Variants in C12orf54 observed in about 807,000 individuals in gnomAD.
C12orf54 encodes the protein uncharacterized protein C12orf54.
In C12orf54, 24 loss-of-function variants were observed where a neutral mutation model predicts 26.4. That is an observed-to-expected ratio of 0.91 (90% CI 0.66 to 1.28). C12orf54 has a LOEUF of 1.28. Among genes scored for constraint, C12orf54 ranks in the 50% most tolerant of loss-of-function variants. C12orf54 has a pLI of 0.00. For synonymous variants in C12orf54, 54 were observed against 47.0 expected (o/e 1.15, Z -0.61); for missense variants, 154 against 150.9 (o/e 1.02, Z -0.11).
the C12orf54 span, among the ~76,000 whole-genome samples, chr12:48,439,108 A>G: frequency 6.6e-6 from 1 of 152,252 alleles, no homozygotes; most frequent in Non-Finnish European, 1.5e-5. Flanking sequence ...GACACTTCTC[A>G]AAAGAAGACA....
the C12orf54 span, among the ~76,000 whole-genome samples, chr12:48,413,735 A>T: frequency 6.6e-6 from 1 of 152,242 alleles, no homozygotes; most frequent in Non-Finnish European, 1.5e-5. Flanking sequence ...AATGGGGATT[A>T]TAGAGTTTGC....
the C12orf54 span, among the ~76,000 whole-genome samples, chr12:48,431,672 TGA>T: frequency 6.6e-6 from 1 of 152,206 alleles, no homozygotes; most frequent in African/African-American, 2.4e-5. Context: ...TTCGAGAAAG[TGA>T]TCATCTCTTC....
At chr12:48,432,366 T>A in the C12orf54 span, among the ~76,000 whole-genome samples, 2 of 152,272 alleles carry the variant, frequency 1.3e-5, no homozygotes, top group South Asian at 4.1e-4. Flanking sequence ...TAGCAAAATA[T>A]GTTTAGAAAA....
intron 4 of C12orf54, chr12:48,487,730 C>T: frequency 4.5e-6 from 1 of 222,290 alleles, no homozygotes; most frequent in South Asian, 1.5e-4. Flanking sequence ...TCCATATGTA[C>T]TCTTATATAC....
At chr12:48,458,334 A>G in the C12orf54 span, among the ~76,000 whole-genome samples, 2 of 152,338 alleles carry the variant, frequency 1.3e-5, no homozygotes, top group East Asian at 1.9e-4. Context: ...ACTCTGAGCT[A>G]TATGCATTGA....
the C12orf54 span, among the ~76,000 whole-genome samples, chr12:48,460,689 TA>T: frequency 6.6e-6 from 1 of 152,164 alleles, no homozygotes. Context: ...ATTGTTGTAA[TA>T]TTTTTACATT....
chr12:48,467,310 C>T, the C12orf54 span, among the ~76,000 whole-genome samples: 1 of 152,154 alleles, frequency 6.6e-6, no homozygotes, highest in Admixed American at 6.5e-5. Context: ...AAGAAACGAA[C>T]CCTGTCGACA....
At chr12:48,439,745 T>TCCGGTG in the C12orf54 span, among the ~76,000 whole-genome samples, 1 of 151,962 alleles carries the variant, frequency 6.6e-6, no homozygotes, top group East Asian at 1.9e-4. Flanking sequence ...CGGGGCCTGT[T>TCCGGTG]GTGGGGTGGT....
At chr12:48,433,686 A>T in the C12orf54 span, among the ~76,000 whole-genome samples, 284 of 152,208 alleles carry the variant, frequency 1.9e-3, 1 homozygote, top group Non-Finnish European at 3.0e-3. Context: ...TGACCTTGTG[A>T]TCTGCCCACC....
chr12:48,476,922 T>C, the C12orf54 span, among the ~76,000 whole-genome samples: 3 of 152,132 alleles, frequency 2.0e-5, no homozygotes, highest in South Asian at 2.1e-4. Context: ...GAACTCTCCA[T>C]CCCAAATCAA....
At chr12:48,433,865 T>TC in the C12orf54 span, among the ~76,000 whole-genome samples, 7 of 152,174 alleles carry the variant, frequency 4.6e-5, no homozygotes, top group African/African-American at 1.7e-4. Context: ...TTTCTGCATT[T>TC]CCATCTGAGG....
chr12:48,492,913 G>A, intron 6 of C12orf54, 34 bp from the exon 7 acceptor site: 1 of 1,601,784 alleles, frequency 6.2e-7, no homozygotes, highest in Non-Finnish European at 8.6e-7. Flanking sequence ...CCAGGCCCCT[G>A]TAACAGAATG....
rs190673767 is a variant in C12orf54 at position 48,492,999 on chromosome 12, A to G, written c.242+4A>G. On this transcript the variant is annotated splice_donor_region_variant and intron_variant, in intron 7 of 8. Transcript: ENST00000548364. ...TGACATCAGCACCCAGGACTGGGTA[A>G]GTGTCCCTATTCTGACAATGTTCAA... The G allele has an allele frequency of 2.6e-4, 413 of 1,613,432 alleles. 1 individual carries two copies. The African/African-American group carries it at 4.8e-3, about 19-fold the overall frequency.
At chr12:48,489,958 G>A (rs938576897) in intron 5 of C12orf54, among the ~76,000 whole-genome samples, 1 of 151,894 alleles carries the variant, frequency 6.6e-6, no homozygotes, top group African/African-American at 2.4e-5. Context: ...CTGACCTCAG[G>A]TGATCCACCC....
the C12orf54 span, among the ~76,000 whole-genome samples, chr12:48,447,339 A>G: frequency 6.6e-6 from 1 of 152,074 alleles, no homozygotes; most frequent in Non-Finnish European, 1.5e-5. Flanking sequence ...CATCCTCCAG[A>G]ACAGTGAGCA....
chr12:48,470,181 A>C, the C12orf54 span, among the ~76,000 whole-genome samples: 1 of 152,150 alleles, frequency 6.6e-6, no homozygotes, highest in Non-Finnish European at 1.5e-5. Flanking sequence ...TTTTTGGTAG[A>C]ATGATTTATT....
At chr12:48,436,204 A>C in the C12orf54 span, among the ~76,000 whole-genome samples, 1 of 152,166 alleles carries the variant, frequency 6.6e-6, no homozygotes, top group Admixed American at 6.6e-5. Flanking sequence ...AACAAGAAGA[A>C]CTAACTATCC....
chr12:48,472,699 G>A, the C12orf54 span: 307 of 1,614,014 alleles, frequency 1.9e-4, no homozygotes, highest in African/African-American at 3.5e-4. Flanking sequence ...TTAGAGCTGC[G>A]GAACAGGACG....
the C12orf54 span, among the ~76,000 whole-genome samples, chr12:48,448,661 C>A: frequency 6.6e-6 from 1 of 152,070 alleles, no homozygotes; most frequent in African/African-American, 2.4e-5. Flanking sequence ...TATTTTATTT[C>A]CTTGTCATAT....
Sources: allele counts gnomAD v4.1 joint callset (sites outside exome capture counted in the v4.1 genomes callset), GRCh38; gene constraint gnomAD v4.1.1; transcripts MANE v1.5; gene names NCBI Gene and HGNC (gene_info 2026-07-23, HGNC 2026-07-21).